Variants in MACROD2 observed in about 807,000 individuals in gnomAD.
MACROD2 encodes mono-ADP ribosylhydrolase 2, also known as ADP-ribose glycohydrolase MACROD2.
In MACROD2, 36 loss-of-function variants were observed where a neutral mutation model predicts 70.4. That is an observed-to-expected ratio of 0.51 (90% CI 0.39 to 0.68). The LOEUF (loss-of-function observed/expected upper bound fraction) is 0.68. MACROD2 is among the 30% of genes least tolerant of loss of function. MACROD2 has a pLI of 0.00. For missense variants in MACROD2, 496 were observed against 538.4 expected (o/e 0.92, Z 0.78); for synonymous variants, 172 against 178.8 (o/e 0.96, Z 0.30).
intron 5 of MACROD2, among the ~76,000 whole-genome samples, chr20:14,851,540 T>C (rs2073199455): frequency 6.6e-6 from 1 of 152,144 alleles, no homozygotes; most frequent in Non-Finnish European, 1.5e-5. Flanking sequence ...TTAATTTGAT[T>C]CAACCAACAT....
chr20:15,319,082 A>T (rs930097926), intron 6 of MACROD2, among the ~76,000 whole-genome samples: 3 of 152,182 alleles, frequency 2.0e-5, no homozygotes, highest in African/African-American at 7.2e-5. Flanking sequence ...CAAAAAGAGA[A>T]AACTGCTAGT....
chr20:14,356,498 CTTTTTT>C (rs71190132), intron 3 of MACROD2, among the ~76,000 whole-genome samples: 2 of 76,786 alleles, frequency 2.6e-5, no homozygotes, highest in African/African-American at 9.4e-5. Flanking sequence ...GATCTACTTT[CTTTTTT>C]TTTTTTTTTT....
intron 8 of MACROD2, among the ~76,000 whole-genome samples, chr20:15,780,881 G>A (rs561004627): frequency 6.4e-4 from 98 of 152,164 alleles, no homozygotes; most frequent in African/African-American, 2.3e-3. Flanking sequence ...CTCTGAGTGT[G>A]TGGGTAGATG....
intron 10 of MACROD2, among the ~76,000 whole-genome samples, chr20:15,923,841 A>G (rs2065449363): frequency 1.3e-5 from 2 of 152,176 alleles, no homozygotes; most frequent in Non-Finnish European, 2.9e-5. Flanking sequence ...TATGAAGTAA[A>G]GAGAATATGT....
At chr20:14,227,919 CTT>C (rs1192172939) in intron 3 of MACROD2, among the ~76,000 whole-genome samples, 14 of 152,126 alleles carry the variant, frequency 9.2e-5, no homozygotes, top group Non-Finnish European at 2.9e-5. Context: ...TTCAGTCTCT[CTT>C]TGTCTTTCAT....
chr20:14,173,376 A>G (rs2081238859), intron 3 of MACROD2, among the ~76,000 whole-genome samples: 1 of 151,878 alleles, frequency 6.6e-6, no homozygotes, highest in Non-Finnish European at 1.5e-5. Context: ...TGATCTCTGA[A>G]GTTCTTTCTT....
At chr20:15,102,761 A>G (rs549518567) in intron 5 of MACROD2, among the ~76,000 whole-genome samples, 1 of 152,198 alleles carries the variant, frequency 6.6e-6, no homozygotes, top group South Asian at 2.1e-4. Context: ...TATTTTGTTT[A>G]TAATAGCAAA....
Position 14,019,855 on chromosome 20 carries a change from C to T in MACROD2, c.163+17451C>T, listed in dbSNP as rs559788352. 3.3e-5 allele frequency among the ~76,000 whole-genome samples: 5 copies of T among 152,012 alleles called. No homozygotes were observed. In the East Asian group the frequency reaches 7.8e-4, roughly 24 times the overall value. ...GGGAAGTTGCAAATCTTGTATCCTCCGAATAATGGCTGGTAATTGTTTAAC... is the reference window on the plus strand; with the variant it reads ...GGGAAGTTGCAAATCTTGTATCCTCTGAATAATGGCTGGTAATTGTTTAAC... On this transcript the variant is annotated intron_variant, in intron 2 of 17. Transcript: ENST00000684519.
chr20:15,119,711 T>G (rs2076017157), intron 5 of MACROD2, among the ~76,000 whole-genome samples: 2 of 152,220 alleles, frequency 1.3e-5, no homozygotes, highest in Non-Finnish European at 2.9e-5. Flanking sequence ...AATGACATGT[T>G]CTGATATGTT....
chr20:15,212,079 T>A (rs2076768811), intron 5 of MACROD2, among the ~76,000 whole-genome samples: 1 of 152,216 alleles, frequency 6.6e-6, no homozygotes, highest in Non-Finnish European at 1.5e-5. Context: ...CTCATTGTAG[T>A]TTTGATTTGC....
chr20:15,117,926 A>G (rs1188633481), intron 5 of MACROD2, among the ~76,000 whole-genome samples: 3 of 149,444 alleles, frequency 2.0e-5, no homozygotes, highest in Non-Finnish European at 3.0e-5. Flanking sequence ...AAACTCTAGT[A>G]AAGAATCAGT....
chr20:15,710,857 A>G (rs1425291287), intron 8 of MACROD2, among the ~76,000 whole-genome samples: 1 of 152,178 alleles, frequency 6.6e-6, no homozygotes, highest in Non-Finnish European at 1.5e-5. Context: ...CTCAAGGACA[A>G]TGATGTATTG....
At chr20:15,012,476 A>G (rs1406702017) in intron 5 of MACROD2, among the ~76,000 whole-genome samples, 2 of 152,188 alleles carry the variant, frequency 1.3e-5, no homozygotes, top group Non-Finnish European at 2.9e-5. Context: ...TGAAAATAAT[A>G]GGGTGCTCAG....
intron 5 of MACROD2, among the ~76,000 whole-genome samples, chr20:14,944,554 G>A (rs1189904241): frequency 6.6e-6 from 1 of 152,106 alleles, no homozygotes; most frequent in African/African-American, 2.4e-5. Flanking sequence ...GCAATGAAAA[G>A]GAGAAACCAA....
intron 5 of MACROD2, among the ~76,000 whole-genome samples, chr20:15,130,033 A>C (rs193053387): frequency 1.7e-4 from 26 of 152,100 alleles, no homozygotes; most frequent in African/African-American, 6.3e-4. Flanking sequence ...TTTTATTCCC[A>C]TTTTACGATG....
chr20:15,025,696 G>A (rs868449810), intron 5 of MACROD2, among the ~76,000 whole-genome samples: 7 of 152,194 alleles, frequency 4.6e-5, no homozygotes, highest in African/African-American at 1.7e-4. Flanking sequence ...TGATTCTTTG[G>A]TCTGGAGTAG....
chr20:15,200,959 C>T (rs1371188066), intron 5 of MACROD2, among the ~76,000 whole-genome samples: 1 of 152,096 alleles, frequency 6.6e-6, no homozygotes, highest in Non-Finnish European at 1.5e-5. Context: ...CACTAGGAAG[C>T]TCATTAAACA....
At chr20:15,461,074 C>T (rs981673435) in intron 7 of MACROD2, among the ~76,000 whole-genome samples, 7 of 144,958 alleles carry the variant, frequency 4.8e-5, no homozygotes, top group Non-Finnish European at 9.0e-5. Context: ...TGAGCATGAC[C>T]ATAGTTCACT....
chr20:15,358,446 T>A (rs1311168957), intron 6 of MACROD2, among the ~76,000 whole-genome samples: 7 of 48,090 alleles, frequency 1.5e-4, no homozygotes, highest in Non-Finnish European at 3.8e-4. Flanking sequence ...TTTTATCAAT[T>A]TTTTTTTTAA....
Sources: allele counts gnomAD v4.1 joint callset (sites outside exome capture counted in the v4.1 genomes callset), GRCh38; gene constraint gnomAD v4.1.1; transcripts MANE v1.5; gene names NCBI Gene and HGNC (gene_info 2026-07-23, HGNC 2026-07-21).